The following PIGK variants were observed in gnomAD, a reference collection of about 807,000 sequenced individuals.
The protein encoded by PIGK is phosphatidylinositol glycan anchor biosynthesis class K.
A neutral mutation model predicts 50.6 loss-of-function variants in PIGK; 42 were observed. The ratio of observed to expected loss-of-function variants is 0.83; its 90% confidence interval spans 0.65 to 1.07. The LOEUF is 1.07. Ranked by LOEUF, PIGK falls within the 50% of genes least tolerant of loss-of-function variation. The probability of loss-of-function intolerance (pLI) is 0.00; values close to 1 mark genes in which losing one functional copy is unlikely to be tolerated. For missense variants in PIGK, 448 were observed against 488.7 expected, an observed-to-expected ratio of 0.92 and a Z score of 0.78; for synonymous variants, 151 against 156.0, an observed-to-expected ratio of 0.97 and a Z score of 0.24.
chr1:77,155,654 C>G (rs1358409116), intron 8 of PIGK, among the ~76,000 whole-genome samples: 1 of 151,402 alleles, frequency 6.6e-6, no homozygotes, highest in Non-Finnish European at 1.5e-5. Flanking sequence ...TAAGAGCATT[C>G]CTAATAAAAG....
At chr1:77,155,431 C>A (rs1311208197) in intron 8 of PIGK, among the ~76,000 whole-genome samples, 1 of 152,156 alleles carries the variant, frequency 6.6e-6, no homozygotes, top group African/African-American at 2.4e-5. Flanking sequence ...TTACTTTCCA[C>A]AGAGGATACA....
intron 3 of PIGK, among the ~76,000 whole-genome samples, chr1:77,200,822 A>G (rs867894527): frequency 2.6e-5 from 4 of 152,156 alleles, no homozygotes; most frequent in Admixed American, 1.3e-4. Flanking sequence ...CTGAGCAACC[A>G]TTTTTAGTAT....
At chr1:77,106,071 T>C (rs949384051) in intron 10 of PIGK, among the ~76,000 whole-genome samples, 1 of 152,186 alleles carries the variant, frequency 6.6e-6, no homozygotes, top group Admixed American at 6.5e-5. Flanking sequence ...AAGAAAACCA[T>C]CAACACACCA....
intron 5 of PIGK, among the ~76,000 whole-genome samples, chr1:77,164,871 C>T (rs1357318707): frequency 1.3e-5 from 2 of 152,118 alleles, no homozygotes; most frequent in South Asian, 2.1e-4. Flanking sequence ...TACTGCCTGA[C>T]GTATACTATG....
chr1:77,181,099 TAAAAATTCTCAA>T (rs1404660089), intron 3 of PIGK, among the ~76,000 whole-genome samples: 3 of 152,126 alleles, frequency 2.0e-5, no homozygotes, highest in Non-Finnish European at 4.4e-5. Context: ...AGTGAAATTT[TAAAAATTCTCAA>T]AAAAAGTAGT....
At chr1:77,137,643 G>A (rs1654551081) in intron 9 of PIGK, among the ~76,000 whole-genome samples, 2 of 151,794 alleles carry the variant, frequency 1.3e-5, no homozygotes, top group South Asian at 4.2e-4. Flanking sequence ...TTGTCACCCA[G>A]GCTGGAGTGC....
At chr1:77,216,632 T>TGG (rs1314984464) in intron 1 of PIGK, among the ~76,000 whole-genome samples, 2 of 151,872 alleles carry the variant, frequency 1.3e-5, no homozygotes, top group Non-Finnish European at 2.9e-5. Flanking sequence ...CATGTGTGTG[T>TGG]GGGGGGGTGT....
chr1:77,218,950 A>C (rs559305646), intron 1 of PIGK, among the ~76,000 whole-genome samples: 1 of 152,166 alleles, frequency 6.6e-6, no homozygotes, highest in African/African-American at 2.4e-5. Flanking sequence ...TCATCTCTCC[A>C]GTTCCGTCTG....
intron 3 of PIGK, chr1:77,194,935 GA>G: frequency 3.6e-6 from 2 of 548,408 alleles, no homozygotes; most frequent in Non-Finnish European, 3.5e-6. Flanking sequence ...TCATGGAACT[GA>G]AAAAGCACTG....
chr1:77,121,285 C>T (rs1654089561), intron 10 of PIGK, among the ~76,000 whole-genome samples: 1 of 152,118 alleles, frequency 6.6e-6, no homozygotes, highest in Non-Finnish European at 1.5e-5. Flanking sequence ...GAATTCCTGA[C>T]ATATAAACTG....
chr1:77,126,497 GTCTTAAAAAAAAA>G (rs1654234891), intron 9 of PIGK, among the ~76,000 whole-genome samples: 1 of 151,716 alleles, frequency 6.6e-6, no homozygotes, highest in Non-Finnish European at 1.5e-5. Flanking sequence ...GACAAGATTT[GTCTTAAAAAAAAA>G]ATCATCTTGT....
chr1:77,217,185 C>G (rs972372012), intron 1 of PIGK, among the ~76,000 whole-genome samples: 2 of 152,166 alleles, frequency 1.3e-5, no homozygotes, highest in African/African-American at 4.8e-5. Flanking sequence ...AGCCATAGTA[C>G]TGCCTTCAAA....
At chr1:77,216,509 T>C (rs1656568775) in intron 1 of PIGK, among the ~76,000 whole-genome samples, 1 of 152,180 alleles carries the variant, frequency 6.6e-6, no homozygotes, top group Non-Finnish European at 1.5e-5. Flanking sequence ...GGCAATAACA[T>C]AGTATTTCAC....
intron 8 of PIGK, among the ~76,000 whole-genome samples, chr1:77,156,010 C>A (rs541412546): frequency 6.6e-6 from 1 of 152,152 alleles, no homozygotes; most frequent in African/African-American, 2.4e-5. Context: ...ACACTGCCAG[C>A]AATCCTTGTC....
chr1:77,109,601 G>A (rs936434238), intron 10 of PIGK, among the ~76,000 whole-genome samples: 1 of 152,076 alleles, frequency 6.6e-6, no homozygotes, highest in Non-Finnish European at 1.5e-5. Context: ...GTATTGATGG[G>A]ATGTTATCTC....
intron 8 of PIGK, among the ~76,000 whole-genome samples, 190 bp from the exon 9 acceptor site, chr1:77,154,811 A>C (rs1403648650): frequency 6.6e-6 from 1 of 152,216 alleles, no homozygotes; most frequent in Non-Finnish European, 1.5e-5. Flanking sequence ...AGAAAACTAT[A>C]CAGACATTAG....
chr1:77,210,520 G>A (rs1412210765), intron 1 of PIGK, 31 bp from the exon 2 acceptor site: 1 of 1,456,256 alleles, frequency 6.9e-7, no homozygotes, highest in Non-Finnish European at 9.5e-7. Flanking sequence ...AGAAGAAAAA[G>A]GCACAATTTC....
intron 4 of PIGK, among the ~76,000 whole-genome samples, chr1:77,168,883 G>C (rs1655291596): frequency 6.6e-6 from 1 of 151,728 alleles, no homozygotes; most frequent in Admixed American, 6.6e-5. Context: ...TGAAACTATA[G>C]TCACTATAGT....
chr1:77,172,583 G>A (rs773124650), intron 3 of PIGK, among the ~76,000 whole-genome samples: 8 of 152,092 alleles, frequency 5.3e-5, no homozygotes, highest in Non-Finnish European at 1.2e-4. Flanking sequence ...GAAAGAAACT[G>A]GTAGTAAGTG....
Sources: allele counts gnomAD v4.1 joint callset (sites outside exome capture counted in the v4.1 genomes callset), GRCh38; gene constraint gnomAD v4.1.1; transcripts MANE v1.5; gene names NCBI Gene and HGNC (gene_info 2026-07-23, HGNC 2026-07-21).